The following LGR5 variants were observed in gnomAD, a reference collection of about 807,000 sequenced individuals.
The protein encoded by LGR5 is leucine rich repeat containing G protein-coupled receptor 5.
A neutral mutation model predicts 76.7 loss-of-function variants in LGR5; 54 were observed. That is an observed-to-expected ratio of 0.70 (90% CI 0.57 to 0.88). The LOEUF (loss-of-function observed/expected upper bound fraction) is 0.88. Ranked by LOEUF, LGR5 falls within the 40% of genes least tolerant of loss-of-function variation. The pLI is 0.00. For synonymous variants in LGR5, 406 were observed against 421.9 expected (o/e 0.96, Z 0.46); for missense variants, 1,078 against 1,073.3 (o/e 1.00, Z -0.06).
chr12:71,508,236 C>CA (rs990645721), intron 2 of LGR5, among the ~76,000 whole-genome samples: 6 of 151,574 alleles, frequency 4.0e-5, no homozygotes, highest in Admixed American at 1.3e-4. Flanking sequence ...CAAAAACAAA[C>CA]AAAAAAAATC....
At chr12:71,535,088 T>C in intron 3 of LGR5, 27 bp from the exon 4 acceptor site, 2 of 1,537,724 alleles carry the variant, frequency 1.3e-6, no homozygotes, top group Non-Finnish European at 9.0e-7. Flanking sequence ...TTTTTTAACA[T>C]TTTTCTTTAT....
At chr12:71,580,916 A>T (rs1879064265) in intron 16 of LGR5, among the ~76,000 whole-genome samples, 1 of 152,232 alleles carries the variant, frequency 6.6e-6, no homozygotes. Context: ...TGAGAAAGAG[A>T]AAACTAGCTC....
intron 6 of LGR5, among the ~76,000 whole-genome samples, chr12:71,557,493 C>T (rs1472147592): frequency 1.3e-5 from 2 of 152,174 alleles, no homozygotes; most frequent in East Asian, 3.9e-4. Flanking sequence ...TTTGCTTTCT[C>T]CTCTAGTCTG....
At chr12:71,502,768 A>G (rs1874667582) in intron 1 of LGR5, among the ~76,000 whole-genome samples, 1 of 152,194 alleles carries the variant, frequency 6.6e-6, no homozygotes. Context: ...CAGAGAGTGA[A>G]TGCTTGCATA....
intron 2 of LGR5, among the ~76,000 whole-genome samples, chr12:71,516,370 G>A (rs1875437588): frequency 6.6e-6 from 1 of 152,114 alleles, no homozygotes; most frequent in Admixed American, 6.5e-5. Flanking sequence ...ACTGACCCAG[G>A]AGGTCTGGTA....
chr12:71,546,060 C>T (rs1293055458), intron 4 of LGR5, among the ~76,000 whole-genome samples: 2 of 152,102 alleles, frequency 1.3e-5, no homozygotes, highest in Non-Finnish European at 2.9e-5. Flanking sequence ...TTGTTTGAGG[C>T]CTAGCACTTT....
At position 71,535,175 on chromosome 12, in the gene LGR5, C is replaced by G. The variant is rs779090996; in HGVS notation, c.417C>G (p.Ser139Arg). 3.7e-6 allele frequency: 6 copies of G among 1,602,006 alleles called. No individual in the cohort carries two copies. In the East Asian group the frequency reaches 6.7e-5, roughly 18 times the overall value. Reference sequence around the variant, plus strand: ...CAGAAGCTCTGCAGAATTTGCGAAGCCTTCAATCCCTGTAAGTATAGTAGA... The same window carrying G: ...CAGAAGCTCTGCAGAATTTGCGAAGGCTTCAATCCCTGTAAGTATAGTAGA... ...VPTEALQNLR[S>R]LQSLRLDANH... The change falls in exon 4 of 18, where the codon AGC (serine) becomes AGG (arginine). Residue 139 changes from serine (S) to arginine (R), a missense_variant. By Grantham distance (110) the Ser-to-Arg change is moderately radical. Transcript: ENST00000266674.
chr12:71,547,515 T>C (rs1877246575), intron 4 of LGR5, among the ~76,000 whole-genome samples: 1 of 152,264 alleles, frequency 6.6e-6, no homozygotes, highest in South Asian at 2.1e-4. Flanking sequence ...TAATAAAGTC[T>C]GTCATTAAAC....
In LGR5 at chr12:71,584,392, AT is replaced by A; in HGVS notation, c.2385del (p.Phe795LeufsTer6). ...LSFSSLINLT[F>X]ISPEVIKFIL... The stretch of plus-strand genomic sequence containing the variant: ...CCTTCTCCTCTTTAATAAACCTTAC[AT>A]TTATCAGTCCTGAAGTAATTAAGTT... On this transcript the variant is annotated frameshift_variant, in exon 18 of 18. Transcript: ENST00000266674. LOFTEE classifies it high-confidence loss of function. The A allele has an allele frequency of 6.2e-7, 1 of 1,614,060 alleles. No homozygotes were observed. Among genetic ancestry groups the A allele is most frequent in the East Asian group, 2.2e-5 (1 of 44,882 alleles).
chr12:71,581,869 A>C (rs532778262), intron 16 of LGR5, among the ~76,000 whole-genome samples: 1 of 152,354 alleles, frequency 6.6e-6, no homozygotes, highest in Non-Finnish European at 1.5e-5. Context: ...CTTTTAAAAA[A>C]TATTGGTCCC....
rs766151792 is a variant in LGR5, at chr12:71,535,083, TA to T, written c.357-30del. Reference sequence around the variant, plus strand: ...TAGGCCTGTTATTGTTCATTTTTTTTAACATTTTTCTTTATTTCTTTTAACA... The same window carrying T: ...TAGGCCTGTTATTGTTCATTTTTTTTACATTTTTCTTTATTTCTTTTAACA... On this transcript the variant is annotated intron_variant, in intron 3 of 17. Transcript: ENST00000266674. 4.0e-6 allele frequency: 6 copies of T among 1,509,986 alleles called. No individual in the cohort carries two copies. In the South Asian group the frequency reaches 5.7e-5, roughly 14 times the overall value. The allele number at this position is 1,509,986 out of a possible 1,614,324, so 93.5% of individuals were successfully genotyped here. A position where few individuals can be genotyped will look rare whatever the true frequency, so the allele number is the denominator to read the frequency against.
chr12:71,557,851 C>A (rs2137422677), intron 6 of LGR5, among the ~76,000 whole-genome samples: 1 of 152,328 alleles, frequency 6.6e-6, no homozygotes, highest in African/African-American at 2.4e-5. Context: ...GTCACTGAAT[C>A]TGCAGTGCTG....
intron 2 of LGR5, among the ~76,000 whole-genome samples, chr12:71,524,081 A>C (rs549462737): frequency 7.6e-4 from 116 of 152,326 alleles, no homozygotes; most frequent in Middle Eastern, 3.4e-3. Flanking sequence ...TTGACATTAC[A>C]ATTTTTTGCA....
chr12:71,502,774 G>A (rs7305750), intron 1 of LGR5, among the ~76,000 whole-genome samples: 14,087 of 152,244 alleles, frequency 0.093, 699 homozygotes, highest in Non-Finnish European at 0.11. Context: ...GTGAATGCTT[G>A]CATAAGCCTC....
At chr12:71,543,195 C>G (rs1427761495) in intron 4 of LGR5, among the ~76,000 whole-genome samples, 2 of 152,202 alleles carry the variant, frequency 1.3e-5, no homozygotes, top group African/African-American at 4.8e-5. Context: ...TTCATCTCCC[C>G]TAGTTTAACT....
chr12:71,523,520 T>A (rs1875826939), intron 2 of LGR5, among the ~76,000 whole-genome samples: 1 of 152,158 alleles, frequency 6.6e-6, no homozygotes. Flanking sequence ...AAAGGTATAT[T>A]GAGTCCCAGT....
intron 4 of LGR5, among the ~76,000 whole-genome samples, chr12:71,549,369 G>A (rs1052164950): frequency 1.3e-5 from 2 of 152,130 alleles, no homozygotes; most frequent in Non-Finnish European, 2.9e-5. Flanking sequence ...CTTCTGAAGA[G>A]CCATTGTATG....
At chr12:71,524,324 T>G in intron 2 of LGR5, 82 bp from the exon 3 acceptor site, 1 of 995,314 alleles carries the variant, frequency 1.0e-6, no homozygotes, top group Non-Finnish European at 1.5e-6. Context: ...TAAACATAGT[T>G]GTATTGCATT....
chr12:71,490,660 C>A (rs1209667375), intron 1 of LGR5, among the ~76,000 whole-genome samples: 1 of 152,114 alleles, frequency 6.6e-6, no homozygotes, highest in African/African-American at 2.4e-5. Context: ...TTTCAGACAA[C>A]TTGAATATGC....
Sources: gnomAD v4.1 joint callset for allele counts (sites outside exome capture counted in the v4.1 genomes callset) on GRCh38, gnomAD v4.1.1 for gene constraint, MANE v1.5 for transcripts, NCBI Gene and HGNC (gene_info 2026-07-23, HGNC 2026-07-21) for gene names.